MARCHF1: variants seen among roughly 807,000 people sequenced by gnomAD.
The protein encoded by MARCHF1 is E3 ubiquitin-protein ligase MARCHF1.
MARCHF1 carries 40 observed loss-of-function variants against 54.2 expected under a neutral mutation model. The observed-to-expected ratio is 0.74, with a 90% CI of 0.57 to 0.96. The LOEUF is 0.96. Ranked by LOEUF, MARCHF1 falls within the 40% of genes least tolerant of loss-of-function variation. MARCHF1 has a pLI of 0.00. For missense variants in MARCHF1, 586 were observed against 656.5 expected, an observed-to-expected ratio of 0.89 and a Z score of 1.17; for synonymous variants, 236 against 236.3, an observed-to-expected ratio of 1.00 and a Z score of 0.01.
chr4:164,190,146 G>C, intron 1 of MARCHF1: 1 of 1,552,876 alleles, frequency 6.4e-7, no homozygotes, highest in Non-Finnish European at 8.7e-7. Flanking sequence ...TGAAGATAAG[G>C]AGACCATGGA....
At position 163,545,694 on chromosome 4, in the gene MARCHF1, G is replaced by A; in HGVS notation, c.1241C>T (p.Ser414Phe). The A allele has an allele frequency of 6.2e-7, 1 of 1,614,060 alleles. No individual in the cohort carries two copies. Among genetic ancestry groups the A allele is most frequent in the Non-Finnish European group, 8.5e-7 (1 of 1,179,954 alleles). The change falls in exon 9 of 10, where the codon TCT becomes TTT. Residue 414 changes from serine (S) to phenylalanine (F), a missense_variant. Around this residue, in one of 3 missense-constraint regions of MARCHF1, gnomAD observed 93 missense variants for 168.2 expected, o/e 0.55. Coordinates refer to ENST00000514618, the MANE Select transcript of MARCHF1 (RefSeq NM_001394959.1). ...GATCGCGATTACGTGGAATGTGACA[G>A]AGCAGAATATTTTCCTCCTTTCACT... ...TTSERRKIFC[S>F]VTFHVIAITC...
At chr4:163,884,890 T>A (rs1750494774) in intron 3 of MARCHF1, among the ~76,000 whole-genome samples, 1 of 152,102 alleles carries the variant, frequency 6.6e-6, no homozygotes. Flanking sequence ...CCAAAAATAC[T>A]TCAAAAGAAA....
chr4:163,534,305 G>A (rs1448606942), intron 9 of MARCHF1, among the ~76,000 whole-genome samples: 2 of 152,008 alleles, frequency 1.3e-5, no homozygotes, highest in Non-Finnish European at 2.9e-5. Context: ...GAGTTGGCAT[G>A]AGAAAAAATC....
rs571934841 is a variant in MARCHF1 at position 164,018,249 on chromosome 4, T to A, written c.-247-29540A>T. ...ATTTTTTTGGCTAAGTAAATTTTTT[T>A]TTGCTAAAAGAAATTCAGATCATAC... On this transcript the variant is annotated intron_variant, in intron 2 of 9. Coordinates refer to ENST00000514618, the MANE Select transcript of MARCHF1 (RefSeq NM_001394959.1). 7.2e-5 allele frequency among the ~76,000 whole-genome samples: 11 copies of A among 152,082 alleles called. No homozygotes were observed. In the South Asian group the frequency reaches 2.3e-3, roughly 32 times the overall value.
intron 7 of MARCHF1, among the ~76,000 whole-genome samples, chr4:163,606,138 C>T (rs1026202701): frequency 2.6e-5 from 4 of 152,070 alleles, no homozygotes; most frequent in Non-Finnish European, 4.4e-5. Flanking sequence ...ACCATCCAAC[C>T]TAAGCTGGAG....
chr4:163,893,148 A>ATT (rs377099576), intron 3 of MARCHF1, among the ~76,000 whole-genome samples: 1 of 151,520 alleles, frequency 6.6e-6, no homozygotes, highest in East Asian at 1.9e-4. Flanking sequence ...TTTAAAAAAA[A>ATT]TTTTTTTTTG....
chr4:163,752,183 A>G (rs1746540446), intron 4 of MARCHF1, among the ~76,000 whole-genome samples: 1 of 152,212 alleles, frequency 6.6e-6, no homozygotes, highest in African/African-American at 2.4e-5. Flanking sequence ...CCAAAAATCA[A>G]TCCAAAGTAA....
At chr4:164,184,285 G>T (rs936617874) in intron 1 of MARCHF1, among the ~76,000 whole-genome samples, 2 of 152,058 alleles carry the variant, frequency 1.3e-5, no homozygotes, top group African/African-American at 4.8e-5. Context: ...GTACAAATTT[G>T]CAAGATTTGA....
rs1366414088 is a variant in MARCHF1 at position 163,818,709 on chromosome 4, C to CAGG, written c.111+35311_111+35312insCCT. The stretch of plus-strand genomic sequence containing the variant: ...ATCCTCAGGCTCTTCTCAAAATATT[C>CAGG]CTTTTCTCCAGGTTTTAATTGACCT... On this transcript the variant is annotated intron_variant, in intron 4 of 9. Coordinates refer to ENST00000514618, the MANE Select transcript of MARCHF1 (RefSeq NM_001394959.1). Among the ~76,000 whole-genome samples, 35 of 151,996 alleles carry CAGG rather than the reference C, an allele frequency of 2.3e-4. 1 individual carries two copies.
chr4:163,559,188 G>A (rs1739390056), intron 8 of MARCHF1, among the ~76,000 whole-genome samples: 1 of 151,988 alleles, frequency 6.6e-6, no homozygotes, highest in African/African-American at 2.4e-5. Flanking sequence ...TGTAGAAAAT[G>A]TATAAAACAT....
At chr4:163,720,657 T>C (rs1579225381) in intron 4 of MARCHF1, among the ~76,000 whole-genome samples, 2 of 152,366 alleles carry the variant, frequency 1.3e-5, no homozygotes, top group East Asian at 3.9e-4. Context: ...TTCCTATCCA[T>C]GAACATGGAA....
intron 3 of MARCHF1, among the ~76,000 whole-genome samples, chr4:163,900,146 C>T (rs1303231580): frequency 6.6e-6 from 1 of 152,048 alleles, no homozygotes; most frequent in Non-Finnish European, 1.5e-5. Context: ...TATCCATTCT[C>T]ACTGGAATAC....
Position 164,176,970 on chromosome 4 carries a change from CTCTCTCTCTCTATATATA to C in MARCHF1, c.-322-65326_-322-65309del, listed in dbSNP as rs1326518500. ...TCTCTCTCTCTCTCTCTCTCTCTCT[CTCTCTCTCTCTATATATA>C]TATATATATATATATATATATACAA... On this transcript the variant is annotated intron_variant, in intron 1 of 9. Transcript: ENST00000514618. 6.9e-3 allele frequency among the ~76,000 whole-genome samples: 396 copies of C among 57,378 alleles called. 6 individuals are homozygous for C. Among genetic ancestry groups the C allele is most frequent in the African/African-American group, 0.029 (361 of 12,492 alleles). 37.6% of individuals were successfully genotyped at this position (57,378 alleles called of 152,430 possible).
intron 3 of MARCHF1, among the ~76,000 whole-genome samples, chr4:163,858,887 G>T (rs1466674224): frequency 2.6e-5 from 4 of 152,152 alleles, no homozygotes; most frequent in African/African-American, 4.8e-5. Context: ...GTTGAATTCT[G>T]CAAGAACAGA....
At chr4:164,217,790 A>G (rs1228727017) in intron 1 of MARCHF1, among the ~76,000 whole-genome samples, 1 of 152,138 alleles carries the variant, frequency 6.6e-6, no homozygotes, top group Admixed American at 6.6e-5. Context: ...CTCCCCACTC[A>G]TCGGTCTCCC....
At chr4:163,929,798 A>G (rs1751615388) in intron 3 of MARCHF1, among the ~76,000 whole-genome samples, 1 of 150,154 alleles carries the variant, frequency 6.7e-6, no homozygotes. Flanking sequence ...TAGATCCCAT[A>G]TATTCTGATT....
intron 4 of MARCHF1, among the ~76,000 whole-genome samples, chr4:163,837,361 G>A (rs1325048142): frequency 1.3e-5 from 2 of 152,098 alleles, no homozygotes; most frequent in Non-Finnish European, 2.9e-5. Flanking sequence ...AATATTAAAA[G>A]TCATTATATA....
chr4:163,554,061 T>G (rs1008536748), intron 8 of MARCHF1, among the ~76,000 whole-genome samples: 3 of 152,218 alleles, frequency 2.0e-5, no homozygotes, highest in Non-Finnish European at 4.4e-5. Context: ...GGGCTCACAT[T>G]GCTTTGCAGT....
At chr4:163,556,238 G>C (rs1005973549) in intron 8 of MARCHF1, among the ~76,000 whole-genome samples, 23 of 152,154 alleles carry the variant, frequency 1.5e-4, no homozygotes, top group African/African-American at 5.3e-4. Flanking sequence ...ATTTTGTGTA[G>C]TTGTTAAAAT....
Sources: allele counts gnomAD v4.1 joint callset (sites outside exome capture counted in the v4.1 genomes callset), GRCh38; gene constraint gnomAD v4.1.1; regional missense constraint gnomAD v4.1.1; transcripts MANE v1.5; gene names NCBI Gene and HGNC (gene_info 2026-07-23, HGNC 2026-07-21).